Variants in KCNG2 observed in about 807,000 individuals in gnomAD.
KCNG2 encodes the protein potassium voltage-gated channel modifier subfamily G member 2.
KCNG2 carries 7 observed loss-of-function variants against 12.3 expected under a neutral mutation model. The observed-to-expected ratio is 0.57, with a 90% CI of 0.32 to 1.07. The LOEUF (loss-of-function observed/expected upper bound fraction) is 1.07. Ranked by LOEUF, KCNG2 falls within the 50% of genes least tolerant of loss-of-function variation. The pLI is 0.04. For missense variants in KCNG2, 703 were observed against 726.0 expected, an observed-to-expected ratio of 0.97 and a Z score of 0.36; for synonymous variants, 414 against 351.4, an observed-to-expected ratio of 1.18 and a Z score of -1.99.
At position 79,864,183 on chromosome 18, in the gene KCNG2, G is replaced by T. The variant is rs372300735; in HGVS notation, c.516G>T (p.Ser172=). 1.3e-5 allele frequency: 20 copies of T among 1,520,962 alleles called. No homozygotes were observed. The highest frequency in any genetic ancestry group is 1.6e-5 in the Non-Finnish European group (18 of 1,138,862). The allele number at this position is 1,520,962 out of a possible 1,614,324, so 94.2% of individuals were successfully genotyped here. The part of the protein sequence containing the change: ...RLRDVVDNPH[S]GLAGKLFACV... ...GCGACGTGGTGGACAACCCGCACTC[G>T]GGGCTGGCGGGCAAGCTCTTCGCCT... The change falls in exon 3 of 4, where the codon TCG becomes TCT. Residue 172 remains serine (S), a synonymous_variant. Transcript: ENST00000316249.
rs911194784 is a variant in KCNG2 at position 79,878,059 on chromosome 18, C to T, written c.624+13768C>T. On this transcript the variant is annotated intron_variant, in intron 3 of 3. Transcript: ENST00000316249. ...CGGTTCCCGATGGCACCGGCGCTGC[C>T]GCGTGGTGTGAGCGTGCCAGGAAAT... Among the ~76,000 whole-genome samples the T allele has an allele frequency of 2.6e-5, 4 of 152,380 alleles. No individual in the cohort carries two copies. The East Asian group carries it at 7.7e-4, about 29-fold the overall frequency.
intron 1 of KCNG2, among the ~76,000 whole-genome samples, chr18:79,836,237 A>G (rs1250480709): frequency 6.6e-6 from 1 of 152,256 alleles, no homozygotes; most frequent in Non-Finnish European, 1.5e-5. Flanking sequence ...CTATATTTGT[A>G]TTTGATAAGG....
chr18:79,833,995 G>A (rs955584626), intron 1 of KCNG2, among the ~76,000 whole-genome samples: 4 of 152,250 alleles, frequency 2.6e-5, no homozygotes, highest in Non-Finnish European at 5.9e-5. Context: ...GGCCAGTAAC[G>A]TGCAGGGCAG....
chr18:79,876,635 C>T (rs546733254), intron 3 of KCNG2, among the ~76,000 whole-genome samples: 14 of 152,342 alleles, frequency 9.2e-5, no homozygotes, highest in African/African-American at 3.1e-4. Context: ...GTGTCTGTGA[C>T]GCTGGTGCCC....
At chr18:79,854,802 C>G (rs995291596) in intron 1 of KCNG2, among the ~76,000 whole-genome samples, 1 of 152,154 alleles carries the variant, frequency 6.6e-6, no homozygotes, top group Non-Finnish European at 1.5e-5. Flanking sequence ...TGTGAGCCAC[C>G]GTGCCTGGCC....
rs754347658 is a variant in KCNG2, at chr18:79,864,115, C to G, written c.448C>G (p.Leu150Val). The G allele has an allele frequency of 1.2e-5, 14 of 1,209,732 alleles. No homozygotes were observed. In the South Asian group the frequency reaches 2.8e-4, roughly 24 times the overall value. The allele number at this position is 1,209,732 out of a possible 1,614,324, so 74.9% of individuals were successfully genotyped here. A position where few individuals can be genotyped will look rare whatever the true frequency, so the allele number is the denominator to read the frequency against. The change falls in exon 3 of 4, where the codon CTG (leucine) becomes GTG (valine). Residue 150 changes from leucine to valine, a missense_variant. Leu to Val is a conservative substitution (Grantham distance 32). Coordinates refer to ENST00000316249, the MANE Select transcript of KCNG2 (RefSeq NM_012283.2). ...GGCGCAGGGGAGCCCGGCGCGCGCC[C>G]TGGGACCTCGGGGGCGGCTGCAGCG... Reference protein sequence around the residue: ...RGAQGSPARALGPRGRLQRGR... With the variant: ...RGAQGSPARAVGPRGRLQRGR...
intron 1 of KCNG2, among the ~76,000 whole-genome samples, chr18:79,806,545 G>C (rs2087451425): frequency 6.6e-6 from 1 of 152,218 alleles, no homozygotes; most frequent in South Asian, 2.1e-4. Context: ...GTTAACTCCA[G>C]CCAGGCCTTG....
chr18:79,829,310 C>A (rs1599377038), intron 1 of KCNG2, among the ~76,000 whole-genome samples: 1 of 151,018 alleles, frequency 6.6e-6, no homozygotes, highest in East Asian at 1.9e-4. Context: ...GTGTGTGTGT[C>A]TGTGTGTACA....
At chr18:79,837,650 C>T (rs952984303) in intron 1 of KCNG2, among the ~76,000 whole-genome samples, 1 of 152,244 alleles carries the variant, frequency 6.6e-6, no homozygotes, top group Non-Finnish European at 1.5e-5. Context: ...ATAAGTTCCT[C>T]ATCTCCATCT....
chr18:79,854,759 C>T (rs980821053), intron 1 of KCNG2, among the ~76,000 whole-genome samples: 12 of 152,286 alleles, frequency 7.9e-5, no homozygotes, highest in Middle Eastern at 3.4e-3. Flanking sequence ...GTGATCCGCC[C>T]GCCTTGGCCT....
chr18:79,899,817 C>A lies in KCNG2; in HGVS notation c.*1C>A. Reference sequence around the variant, plus strand: ...GCTGTGGGTGCGGGCAGGGCGCTGACGCCTGCGCCGCCCACACGGAGACCC... The same window carrying A: ...GCTGTGGGTGCGGGCAGGGCGCTGAAGCCTGCGCCGCCCACACGGAGACCC... On this transcript the variant is annotated 3_prime_UTR_variant, in exon 4 of 4. Coordinates refer to ENST00000316249, the MANE Select transcript of KCNG2 (RefSeq NM_012283.2). The A allele has an allele frequency of 2.2e-6, 3 of 1,367,566 alleles. No individual in the cohort carries two copies. The highest frequency in any genetic ancestry group is 3.0e-5 in the East Asian group (1 of 33,450). The allele number at this position is 1,367,566 out of a possible 1,614,324, so 84.7% of individuals were successfully genotyped here. A position where few individuals can be genotyped will look rare whatever the true frequency, so the allele number is the denominator to read the frequency against.
At chr18:79,887,323 C>T (rs78174747) in intron 3 of KCNG2, among the ~76,000 whole-genome samples, 10,020 of 152,084 alleles carry the variant, frequency 0.066, 399 homozygotes, top group East Asian at 0.13. Context: ...AGGCGGAGGC[C>T]GCCCTGGGCC....
chr18:79,854,612 C>T (rs1386192243), intron 1 of KCNG2, among the ~76,000 whole-genome samples: 7 of 151,346 alleles, frequency 4.6e-5, no homozygotes, highest in South Asian at 2.1e-4. Context: ...CTGCAAGCTC[C>T]ACCTCCCGGG....
intron 3 of KCNG2, among the ~76,000 whole-genome samples, chr18:79,896,626 T>C (rs1033701963): frequency 2.6e-5 from 4 of 152,252 alleles, no homozygotes; most frequent in African/African-American, 9.6e-5. Context: ...TTCAAATCCG[T>C]TAAAAAATTC....
At chr18:79,843,882 A>G (rs939506554) in intron 1 of KCNG2, among the ~76,000 whole-genome samples, 1 of 152,240 alleles carries the variant, frequency 6.6e-6, no homozygotes, top group Non-Finnish European at 1.5e-5. Context: ...TAACCTATCA[A>G]TAATTACTTT....
rs746973774 is a variant in KCNG2, at chr18:79,899,404, G to C, written c.989G>C (p.Cys330Ser). 1.3e-6 allele frequency: 2 copies of C among 1,581,692 alleles called. No homozygotes were observed. The highest frequency in any genetic ancestry group is 4.6e-5 in the East Asian group (2 of 43,202). The change falls in exon 4 of 4, where the codon TGC (cysteine) becomes TCC (serine). Residue 330 changes from cysteine to serine, a missense_variant. Physicochemically the swap from Cys to Ser is moderately radical, Grantham distance 112. Coordinates refer to ENST00000316249, the MANE Select transcript of KCNG2 (RefSeq NM_012283.2). ...REFGLLLLFL[C>S]VAMALFAPLV... is the part of the protein sequence containing the mutation. ...TTCGGGCTGCTGCTGCTGTTCCTCT[G>C]CGTGGCCATGGCGCTCTTCGCGCCA...
intron 1 of KCNG2, among the ~76,000 whole-genome samples, chr18:79,828,557 ATCTGTGTGCATG>A (rs982540940): frequency 1.3e-5 from 2 of 149,320 alleles, no homozygotes; most frequent in South Asian, 2.1e-4. Flanking sequence ...CTGTGTGTCT[ATCTGTGTGCATG>A]TCTGTGTGCA....
intron 3 of KCNG2, among the ~76,000 whole-genome samples, chr18:79,895,460 T>A (rs1980932803): frequency 6.6e-6 from 1 of 152,174 alleles, no homozygotes; most frequent in Non-Finnish European, 1.5e-5. Context: ...GTTGGGTCTG[T>A]GTCTGCCTTT....
intron 3 of KCNG2, among the ~76,000 whole-genome samples, chr18:79,877,402 T>C (rs1980116686): frequency 6.6e-6 from 1 of 152,120 alleles, no homozygotes. Flanking sequence ...TTCCAGGAGA[T>C]ACACAGGCAG....
Sources: gnomAD v4.1 joint callset for allele counts (sites outside exome capture counted in the v4.1 genomes callset) on GRCh38, gnomAD v4.1.1 for gene constraint, MANE v1.5 for transcripts, NCBI Gene and HGNC (gene_info 2026-07-23, HGNC 2026-07-21) for gene names.